TERF2IP: variants seen among roughly 807,000 people sequenced by gnomAD.
TERF2IP encodes the protein TERF2 interacting protein.
A neutral mutation model predicts 33.3 loss-of-function variants in TERF2IP; 35 were observed. The observed-to-expected ratio is 1.05, with a 90% CI of 0.80 to 1.39. The LOEUF (loss-of-function observed/expected upper bound fraction) is 1.39, where lower values mean the gene tolerates loss of function less well. Ranked by LOEUF, TERF2IP falls within the 40% of genes most tolerant of loss-of-function variation. The pLI, the probability that TERF2IP is intolerant of heterozygous loss-of-function variation, is 0.00. For missense variants in TERF2IP, 583 were observed against 524.8 expected, an observed-to-expected ratio of 1.11 and a Z score of -1.08; for synonymous variants, 253 against 223.2, an observed-to-expected ratio of 1.13 and a Z score of -1.19.
intron 2 of TERF2IP, among the ~76,000 whole-genome samples, chr16:75,655,116 C>G (rs879345293): frequency 3.9e-5 from 6 of 152,130 alleles, no homozygotes; most frequent in African/African-American, 1.4e-4. Flanking sequence ...TCCCAGGTTC[C>G]AGCAATTCTT....
At chr16:75,652,280 CT>C (rs1234460642) in intron 1 of TERF2IP, among the ~76,000 whole-genome samples, 1 of 152,194 alleles carries the variant, frequency 6.6e-6, no homozygotes, top group East Asian at 1.9e-4. Context: ...CTGTGGTTTA[CT>C]TTTTTTAAAC....
At chr16:75,656,005 G>GCA (rs375526943) in intron 2 of TERF2IP, among the ~76,000 whole-genome samples, 2 of 151,390 alleles carry the variant, frequency 1.3e-5, no homozygotes, top group Non-Finnish European at 2.9e-5. Flanking sequence ...ACACACACGC[G>GCA]CACACACACA....
At chr16:75,653,474 A>T (rs2151819378) in intron 1 of TERF2IP, among the ~76,000 whole-genome samples, 1 of 152,008 alleles carries the variant, frequency 6.6e-6, no homozygotes. Context: ...ATCACGAAAA[A>T]CTCCCTCTTG....
chr16:75,656,383 G>A lies in TERF2IP; in HGVS notation c.972G>A (p.Lys324=). 1.9e-6 allele frequency: 3 copies of A among 1,614,212 alleles called. No individual in the cohort carries two copies. The highest frequency in any genetic ancestry group is 2.5e-6 in the Non-Finnish European group (3 of 1,180,024). The stretch of plus-strand genomic sequence containing the variant: ...AGATCATTCGGCAGTTAATGGAGAA[G>A]TTTAACTTGGATCTATCAACAGTTA... The part of the protein sequence containing the change: ...AIKIIRQLME[K]FNLDLSTVTQ... Residue 324 remains lysine, a synonymous_variant, in exon 3 of 3, where the codon AAG becomes AAA. Coordinates refer to ENST00000300086, the MANE Select transcript of TERF2IP (RefSeq NM_018975.4).
chr16:75,654,240 A>G (rs146045682), intron 1 of TERF2IP, 33 bp from the exon 2 acceptor site: 4 of 1,560,834 alleles, frequency 2.6e-6, no homozygotes, highest in South Asian at 2.3e-5. Context: ...AAAAGAGGCT[A>G]TTGCTAATCT....
rs879085846 is a variant in TERF2IP, at chr16:75,648,252, G to A, written c.370G>A (p.Glu124Lys). The change falls in exon 1 of 3, where the codon GAG (glutamate) becomes AAG (lysine). Residue 124 changes from glutamate to lysine, a missense_variant. By Grantham distance (56) the Glu-to-Lys change is moderately conservative (BLOSUM62 1). Coordinates refer to ENST00000300086, the MANE Select transcript of TERF2IP (RefSeq NM_018975.4). ...CGGGGCCCTGGCCGAGGGCGCCGCG[G>A]AGCCGGAGCCGCAGCGGCACGCCGG... Reference protein sequence around the residue: ...KPGALAEGAAEPEPQRHAGRI... With the variant: ...KPGALAEGAAKPEPQRHAGRI... The A allele has an allele frequency of 3.2e-6, 5 of 1,546,580 alleles. No individual in the cohort carries two copies. The Admixed American group carries it at 5.9e-5, about 18-fold the overall frequency.
chr16:75,648,132 A>T lies in TERF2IP; in HGVS notation c.250A>T (p.Ile84Phe), dbSNP rs1265307476. Residue 84 changes from isoleucine to phenylalanine, a missense_variant, in exon 1 of 3, where the codon ATC becomes TTC. Coordinates refer to ENST00000300086, the MANE Select transcript of TERF2IP (RefSeq NM_018975.4). ...ASGDFISTQYILDCVERNERL... is the reference protein window; with the variant it reads ...ASGDFISTQYFLDCVERNERL... ...GGGTGATTTCATCTCCACGCAGTAC[A>T]TCCTGGACTGCGTGGAGCGCAACGA... The T allele has an allele frequency of 6.4e-7, 1 of 1,563,948 alleles. No homozygotes were observed. Among genetic ancestry groups the T allele is most frequent in the Non-Finnish European group, 8.6e-7 (1 of 1,156,498 alleles).
chr16:75,656,281 C>T lies in TERF2IP; in HGVS notation c.870C>T (p.Asp290=). ...ATGATCCACCCACACCTGAGGAAGA[C>T]TCAGAAACACAGCCTGATGAGGAGG... ...CDDDPPTPEE[D]SETQPDEEEE... The change falls in exon 3 of 3, where the codon GAC becomes GAT. Residue 290 remains aspartate (D), a synonymous_variant. Coordinates refer to ENST00000300086, the MANE Select transcript of TERF2IP (RefSeq NM_018975.4). The T allele has an allele frequency of 8.1e-6, 13 of 1,613,922 alleles. No homozygotes were observed. The highest frequency in any genetic ancestry group is 1.1e-5 in the Non-Finnish European group (13 of 1,180,000).
rs752745876 is a variant in TERF2IP at position 75,648,460 on chromosome 16, A to G, written c.578A>G (p.His193Arg). 35 of 1,600,024 alleles carry G rather than the reference A, an allele frequency of 2.2e-5. No homozygotes were observed. The highest frequency in any genetic ancestry group is 3.0e-5 in the Non-Finnish European group (35 of 1,174,446). ...CTCAAGCACCTGCGGGGCCAGGAGCATAAGTACCTGCTGGGGGACGCGCCG... is the reference window on the plus strand; with the variant it reads ...CTCAAGCACCTGCGGGGCCAGGAGCGTAAGTACCTGCTGGGGGACGCGCCG... Reference protein sequence around the residue: ...RYLKHLRGQEHKYLLGDAPVS... With the variant: ...RYLKHLRGQERKYLLGDAPVS... The change falls in exon 1 of 3, where the codon CAT becomes CGT. Residue 193 changes from histidine (H) to arginine (R), a missense_variant. Transcript: ENST00000300086.
intron 1 of TERF2IP, among the ~76,000 whole-genome samples, chr16:75,653,447 G>T (rs1362040741): frequency 2.6e-5 from 4 of 152,008 alleles, no homozygotes; most frequent in Admixed American, 6.6e-5. Context: ...ACCCACATTG[G>T]GATTTAGAAC....
intron 1 of TERF2IP, 29 bp downstream of exon 1, chr16:75,648,581 G>C (rs760326289): frequency 1.3e-5 from 19 of 1,503,852 alleles, no homozygotes; most frequent in Non-Finnish European, 1.5e-5. Context: ...GGGCCTCGCG[G>C]ATATCTGCGC....
At chr16:75,653,667 G>T (rs2082363177) in intron 1 of TERF2IP, among the ~76,000 whole-genome samples, 1 of 152,144 alleles carries the variant, frequency 6.6e-6, no homozygotes, top group Admixed American at 6.5e-5. Flanking sequence ...GAGCTGCCTT[G>T]CCCAAACTCC....
intron 1 of TERF2IP, 122 bp from the exon 2 acceptor site, chr16:75,654,148 TAAA>T (rs34359798): frequency 0.069 from 19,766 of 287,392 alleles, 1 homozygote; most frequent in Middle Eastern, 0.091. Flanking sequence ...CTTCTGATAG[TAAA>T]AAAAAAAAAA....
chr16:75,654,421 T>A (rs778155616), intron 2 of TERF2IP, 24 bp downstream of exon 2: 1 of 1,605,636 alleles, frequency 6.2e-7, no homozygotes, highest in African/African-American at 1.3e-5. Context: ...ATTTACTCAT[T>A]ATTTTTTTCC....
chr16:75,657,250 TCA>T lies in TERF2IP; in HGVS notation c.*640_*641del, dbSNP rs2082393778. On this transcript the variant is annotated 3_prime_UTR_variant, in exon 3 of 3. Transcript: ENST00000300086. The stretch of plus-strand genomic sequence containing the variant: ...CCGGATGTCTTTCTTTACCTACCCC[TCA>T]GTTTTCCTTAAAACGCGCACACAAC... The T allele has an allele frequency of 6.6e-6, 1 of 152,256 alleles. No individual in the cohort carries two copies. Among genetic ancestry groups the T allele is most frequent in the Non-Finnish European group, 1.5e-5 (1 of 68,082 alleles). 9.4% of individuals were successfully genotyped at this position (152,256 alleles called of 1,614,324 possible). A position where few individuals can be genotyped will look rare whatever the true frequency, so the allele number is the denominator to read the frequency against.
Position 75,647,851 on chromosome 16 carries a change from G to C in TERF2IP, c.-32G>C. The C allele has an allele frequency of 6.3e-7, 1 of 1,597,972 alleles. No individual in the cohort carries two copies. ...TCTGTGTGCCAGGCGCTCGCGAGGGGGTAGCTCTTCTAGTAGTGCTCGGCG... is the reference window on the plus strand; with the variant it reads ...TCTGTGTGCCAGGCGCTCGCGAGGGCGTAGCTCTTCTAGTAGTGCTCGGCG... On this transcript the variant is annotated 5_prime_UTR_variant, in exon 1 of 3. Coordinates refer to ENST00000300086, the MANE Select transcript of TERF2IP (RefSeq NM_018975.4).
intron 1 of TERF2IP, 102 bp from the exon 2 acceptor site, chr16:75,654,171 A>G (rs1969932866): frequency 3.3e-6 from 3 of 921,314 alleles, no homozygotes; most frequent in Non-Finnish European, 2.9e-6. Flanking sequence ...AAAAAAAAAA[A>G]AAGTGCAGGC....
chr16:75,651,752 A>G (rs1476283035), intron 1 of TERF2IP, among the ~76,000 whole-genome samples: 1 of 152,216 alleles, frequency 6.6e-6, no homozygotes, highest in Non-Finnish European at 1.5e-5. Context: ...AGTATAAGCT[A>G]TACTTTGACC....
In TERF2IP at chr16:75,654,301, G is replaced by A. The variant is rs1000410971; in HGVS notation, c.699G>A (p.Leu233=). Reference sequence around the variant, plus strand: ...CACAGAATAAGAGAACTCCAGATTTGCCTGAAGAAGAGTATGTGAAGGAAG... The same window carrying A: ...CACAGAATAAGAGAACTCCAGATTTACCTGAAGAAGAGTATGTGAAGGAAG... ...GEPQNKRTPD[L]PEEEYVKEEI... is the part of the protein sequence containing the mutation. Residue 233 remains leucine (L), a synonymous_variant, in exon 2 of 3, where the codon TTG becomes TTA. Coordinates refer to ENST00000300086, the MANE Select transcript of TERF2IP (RefSeq NM_018975.4). 6.2e-7 allele frequency: 1 copy of A among 1,613,692 alleles called. No individual in the cohort carries two copies. The highest frequency in any genetic ancestry group is 1.7e-5 in the Admixed American group (1 of 60,000).
Sources: gnomAD v4.1 joint callset for allele counts (sites outside exome capture counted in the v4.1 genomes callset) on GRCh38, gnomAD v4.1.1 for gene constraint, MANE v1.5 for transcripts, NCBI Gene and HGNC (gene_info 2026-07-23, HGNC 2026-07-21) for gene names.